Variants in KALRN observed in about 807,000 individuals in gnomAD.
KALRN encodes the protein kalirin RhoGEF kinase.
KALRN carries 70 observed loss-of-function variants against 353.7 expected under a neutral mutation model. That is an observed-to-expected ratio of 0.20 (90% CI 0.16 to 0.24). KALRN has a LOEUF of 0.24. Among genes scored for constraint, KALRN ranks in the 10% least tolerant of loss-of-function variants. The pLI is 1.00. For synonymous variants in KALRN, 1,391 were observed against 1,434.8 expected, an observed-to-expected ratio of 0.97 and a Z score of 0.69; for missense variants, 2,791 against 3,756.7, an observed-to-expected ratio of 0.74 and a Z score of 6.72.
At chr3:124,163,478 G>A in intron 1 of KALRN, 1 of 365,452 alleles carries the variant, frequency 2.7e-6, no homozygotes, top group South Asian at 1.1e-4. Context: ...TGCAAGTAAT[G>A]TGAAAGCAGT....
At position 124,071,617 on chromosome 3, in the gene KALRN, A is replaced by G. The variant is rs141660205; in HGVS notation, c.73+37804A>G. Among the ~76,000 whole-genome samples the G allele has an allele frequency of 2.2e-3, 340 of 152,334 alleles. 1 individual carries two copies. Among genetic ancestry groups the G allele is most frequent in the African/African-American group, 7.6e-3 (317 of 41,578 alleles). On this transcript the variant is annotated intron_variant, in intron 1 of 59. Coordinates refer to ENST00000682506, the MANE Select transcript of KALRN (RefSeq NM_001388419.1). ...ATCAAGGAGGTGGCAGGTTTGTTGT[A>G]AGGATTCAGTCTCTGCTTCCAAGAT...
At chr3:124,110,085 GAT>G (rs776084349) in intron 1 of KALRN, among the ~76,000 whole-genome samples, 269 of 37,498 alleles carry the variant, frequency 7.2e-3, no homozygotes, top group African/African-American at 9.3e-3. Flanking sequence ...GTCATACTTT[GAT>G]ATATATATGA....
chr3:124,369,387 A>G (rs1179899705), intron 10 of KALRN, among the ~76,000 whole-genome samples: 4 of 151,538 alleles, frequency 2.6e-5, no homozygotes, highest in Non-Finnish European at 5.9e-5. Flanking sequence ...TTATTCCTCC[A>G]CTCCCACTTT....
At chr3:124,177,816 A>G (rs1308698417) in intron 1 of KALRN, among the ~76,000 whole-genome samples, 1 of 152,134 alleles carries the variant, frequency 6.6e-6, no homozygotes, top group African/African-American at 2.4e-5. Flanking sequence ...GTAGCCCAGA[A>G]GTTTCTTTTT....
intron 1 of KALRN, among the ~76,000 whole-genome samples, chr3:124,175,161 G>A (rs1241135055): frequency 1.3e-5 from 2 of 152,212 alleles, no homozygotes; most frequent in South Asian, 2.1e-4. Flanking sequence ...TACTTGCCAC[G>A]TGCCCTGTGT....
At chr3:124,652,870 C>G (rs567038514) in intron 38 of KALRN, among the ~76,000 whole-genome samples, 1 of 152,252 alleles carries the variant, frequency 6.6e-6, no homozygotes, top group African/African-American at 2.4e-5. Context: ...AGCCACCGCA[C>G]CCAGCCGCCA....
At chr3:124,060,950 C>G (rs2041949006) in intron 1 of KALRN, among the ~76,000 whole-genome samples, 1 of 152,230 alleles carries the variant, frequency 6.6e-6, no homozygotes, top group Non-Finnish European at 1.5e-5. Context: ...GAGGTGGACT[C>G]TCAATAAGCC....
chr3:124,424,232 T>G (rs1157214929), intron 15 of KALRN, among the ~76,000 whole-genome samples: 1 of 150,886 alleles, frequency 6.6e-6, no homozygotes, highest in African/African-American at 2.4e-5. Flanking sequence ...CAAATCATCC[T>G]AAGCAAAAAA....
At chr3:124,266,837 C>T (rs9847323) in intron 4 of KALRN, among the ~76,000 whole-genome samples, 94,912 of 152,092 alleles carry the variant, frequency 0.62, 29,782 homozygotes, top group Admixed American at 0.66. Flanking sequence ...AGAAGTCCTG[C>T]AGGGAAATGC....
chr3:124,357,044 T>C (rs1046300030), intron 10 of KALRN, among the ~76,000 whole-genome samples: 1 of 152,220 alleles, frequency 6.6e-6, no homozygotes, highest in East Asian at 1.9e-4. Context: ...TCCGGTGTGC[T>C]CTTATTCCTG....
intron 1 of KALRN, among the ~76,000 whole-genome samples, chr3:124,166,908 G>T (rs536973554): frequency 6.6e-6 from 1 of 152,018 alleles, no homozygotes; most frequent in South Asian, 2.1e-4. Flanking sequence ...AGCCAGTCCT[G>T]GTGGTATGTG....
At position 124,343,147 on chromosome 3, in the gene KALRN, A is replaced by G. The variant is rs568706155; in HGVS notation, c.1648-3996A>G. Among the ~76,000 whole-genome samples, 13 of 152,246 alleles carry G rather than the reference A, an allele frequency of 8.5e-5. 1 individual carries two copies. The highest frequency in any genetic ancestry group is 2.6e-4 in the Admixed American group (4 of 15,290). ...TGCCTTCTCCAGTTTATCCTCCACA[A>G]AGCAGTCAGAGCAATATATATACAC... On this transcript the variant is annotated intron_variant, in intron 9 of 59. Coordinates refer to ENST00000682506, the MANE Select transcript of KALRN (RefSeq NM_001388419.1).
chr3:124,683,673 C>T (rs1401406103), intron 51 of KALRN, among the ~76,000 whole-genome samples: 1 of 152,222 alleles, frequency 6.6e-6, no homozygotes, highest in Non-Finnish European at 1.5e-5. Flanking sequence ...CCTGCCTCTG[C>T]CCCAGCCATT....
chr3:124,179,780 C>G (rs2073311938), intron 1 of KALRN, among the ~76,000 whole-genome samples: 1 of 152,138 alleles, frequency 6.6e-6, no homozygotes, highest in African/African-American at 2.4e-5. Context: ...TGTCATTTAC[C>G]AAAACGTTGT....
At chr3:124,674,194 C>A (rs2150402999) in intron 48 of KALRN, among the ~76,000 whole-genome samples, 170 bp from the exon 49 acceptor site, 1 of 152,286 alleles carries the variant, frequency 6.6e-6, no homozygotes, top group Non-Finnish European at 1.5e-5. Flanking sequence ...AAAAAATATA[C>A]TTTCAGAGCA....
Position 124,693,871 on chromosome 3 carries a change from G to A in KALRN, c.7405+40G>A. On this transcript the variant is annotated intron_variant, in intron 52 of 59. Coordinates refer to ENST00000682506, the MANE Select transcript of KALRN (RefSeq NM_001388419.1). The stretch of plus-strand genomic sequence containing the variant: ...ATTAGAATTGGAAACATGGGGATTG[G>A]TTAAATAAATTATAGTTAATCCAGC... 4.1e-6 allele frequency: 6 copies of A among 1,454,570 alleles called. 1 individual carries two copies. In the South Asian group the frequency reaches 6.0e-5, roughly 15 times the overall value. 90.1% of individuals were successfully genotyped at this position (1,454,570 alleles called of 1,614,324 possible). A position where few individuals can be genotyped will look rare whatever the true frequency, so the allele number is the denominator to read the frequency against.
chr3:124,569,170 C>A (rs2073222999), intron 34 of KALRN, among the ~76,000 whole-genome samples: 1 of 152,272 alleles, frequency 6.6e-6, no homozygotes, highest in South Asian at 2.1e-4. Flanking sequence ...TCCAAGGCTT[C>A]CCCCGTGAGC....
At chr3:124,337,123 T>C (rs1315655523) in intron 9 of KALRN, among the ~76,000 whole-genome samples, 1 of 152,304 alleles carries the variant, frequency 6.6e-6, no homozygotes, top group East Asian at 1.9e-4. Flanking sequence ...TTTGACTTCC[T>C]CTGTTCCTAT....
At chr3:124,684,070 C>T (rs755473890) in intron 51 of KALRN, among the ~76,000 whole-genome samples, 17 of 152,266 alleles carry the variant, frequency 1.1e-4, no homozygotes, top group African/African-American at 1.9e-4. Flanking sequence ...ATTTCCAGAA[C>T]GTTTTCATCA....
Sources: gnomAD v4.1 joint callset for allele counts (sites outside exome capture counted in the v4.1 genomes callset) on GRCh38, gnomAD v4.1.1 for gene constraint, MANE v1.5 for transcripts, NCBI Gene and HGNC (gene_info 2026-07-23, HGNC 2026-07-21) for gene names.